TMEM230: variants seen among roughly 807,000 people sequenced by gnomAD.
The protein encoded by TMEM230 is transmembrane protein 230.
In TMEM230, 10 loss-of-function variants were observed where a neutral mutation model predicts 15.8. The ratio of observed to expected loss-of-function variants is 0.63; its 90% CI spans 0.39 to 1.07. The LOEUF (loss-of-function observed/expected upper bound fraction) is 1.07, where lower values mean the gene tolerates loss of function less well. Ranked by LOEUF, TMEM230 falls within the 50% of genes least tolerant of loss-of-function variation. TMEM230 has a pLI of 0.01. For missense variants in TMEM230, 165 were observed against 193.3 expected, an observed-to-expected ratio of 0.85 and a Z score of 0.87; for synonymous variants, 67 against 76.9, an observed-to-expected ratio of 0.87 and a Z score of 0.68.
chr20:5,066,838 T>G (rs995647336), downstream of TMEM230, among the ~76,000 whole-genome samples: 2 of 152,048 alleles, frequency 1.3e-5, no homozygotes, highest in Admixed American at 6.6e-5. Context: ...AGGGTGTTCA[T>G]CCCCTCACTC....
chr20:5,101,027 C>G, intron 4 of TMEM230, 96 bp from the exon 4 acceptor site: 2 of 1,387,540 alleles, frequency 1.4e-6, no homozygotes, highest in Non-Finnish European at 1.9e-6. Context: ...GTATTTTATA[C>G]TCTTCAGTAC....
At chr20:5,073,377 A>G (rs1159989792) in intron 3 of TMEM230, among the ~76,000 whole-genome samples, 2 of 152,166 alleles carry the variant, frequency 1.3e-5, no homozygotes, top group Non-Finnish European at 2.9e-5. Context: ...GAGGTTCTGC[A>G]TTTTTCCTGC....
At chr20:5,080,630 A>C (rs2089151727) in intron 3 of TMEM230, among the ~76,000 whole-genome samples, 1 of 151,618 alleles carries the variant, frequency 6.6e-6, no homozygotes, top group Non-Finnish European at 1.5e-5. Context: ...GCAGTGGCGC[A>C]ATCTCGGCTC....
intron 3 of TMEM230, among the ~76,000 whole-genome samples, chr20:5,087,696 CTTTTTTTTT>C (rs561757286): frequency 3.0e-5 from 3 of 99,536 alleles, no homozygotes; most frequent in South Asian, 4.8e-4. Context: ...GAAAGTATGG[CTTTTTTTTT>C]TTTTTTTTTT....
chr20:5,062,178 C>G, the TMEM230 span, among the ~76,000 whole-genome samples: 1 of 151,060 alleles, frequency 6.6e-6, no homozygotes, highest in South Asian at 2.1e-4. Context: ...GCCGAGATCG[C>G]ACCATTGCAC....
At chr20:5,074,330 A>G (rs1427929228) in intron 3 of TMEM230, among the ~76,000 whole-genome samples, 1 of 152,082 alleles carries the variant, frequency 6.6e-6, no homozygotes, top group East Asian at 1.9e-4. Flanking sequence ...CACCATTATC[A>G]CTGGAGATGG....
downstream of TMEM230, among the ~76,000 whole-genome samples, chr20:5,099,011 A>G (rs1305189417): frequency 6.6e-6 from 1 of 151,912 alleles, no homozygotes; most frequent in Non-Finnish European, 1.5e-5. Flanking sequence ...TTTTTTGACC[A>G]GCAGCATCAA....
rs2089340744 is a variant in TMEM230, at chr20:5,086,529, ACT to A, written c.223-17182_223-17181del. 2.4e-5 allele frequency among the ~76,000 whole-genome samples: 3 copies of A among 127,228 alleles called. No individual in the cohort carries two copies. The South Asian group carries it at 9.2e-4, about 39-fold the overall frequency. 83.5% of individuals were successfully genotyped at this position (127,228 alleles called of 152,430 possible). On this transcript the variant is annotated intron_variant, in intron 3 of 3. Transcript: ENST00000612323. ...ACTCCAGCCTGGGCAACAGAGCCAG[ACT>A]CTGTCTCAAAAAAAAAAAAAAAAAA...
intron 3 of TMEM230, among the ~76,000 whole-genome samples, chr20:5,084,956 T>C (rs1384101301): frequency 2.6e-5 from 4 of 152,268 alleles, no homozygotes; most frequent in Admixed American, 1.3e-4. Context: ...TCCAATTTTC[T>C]ATTTCTTCCT....
intron 3 of TMEM230, among the ~76,000 whole-genome samples, chr20:5,081,864 C>CTTTTTTTTTTTTT (rs770805896): frequency 2.9e-5 from 4 of 140,334 alleles, no homozygotes; most frequent in African/African-American, 8.9e-5. Flanking sequence ...CACTGATTTT[C>CTTTTTTTTTTTTT]TTTTTTTTCT....
chr20:5,097,219 T>C (rs1270367923), downstream of TMEM230, among the ~76,000 whole-genome samples: 3 of 152,224 alleles, frequency 2.0e-5, no homozygotes, highest in Admixed American at 6.5e-5. Flanking sequence ...TATATTTTCC[T>C]GTTGTACCTC....
intron 3 of TMEM230, among the ~76,000 whole-genome samples, chr20:5,107,806 C>G (rs1306227138): frequency 7.2e-6 from 1 of 138,480 alleles, no homozygotes; most frequent in Non-Finnish European, 1.6e-5. Context: ...AGAGCAAGAC[C>G]CTGTCTCAAA....
chr20:5,087,748 CCATATCACAA>C (rs996894211), intron 3 of TMEM230, among the ~76,000 whole-genome samples: 3 of 130,892 alleles, frequency 2.3e-5, no homozygotes, highest in Non-Finnish European at 4.7e-5. Context: ...AATAGGAAAT[CCATATCACAA>C]CTCCTGACAC....
downstream of TMEM230, among the ~76,000 whole-genome samples, chr20:5,098,697 G>A (rs2089738420): frequency 6.6e-6 from 1 of 151,984 alleles, no homozygotes; most frequent in South Asian, 2.1e-4. Context: ...TTTCTGCTCT[G>A]ATCCTATGAC....
chr20:5,075,863 G>T (rs2088976320), intron 3 of TMEM230, among the ~76,000 whole-genome samples: 1 of 152,036 alleles, frequency 6.6e-6, no homozygotes, highest in Non-Finnish European at 1.5e-5. Flanking sequence ...GCTTACACTT[G>T]GAGGCCGAGG....
At chr20:5,069,165 A>G (rs1259759317) in exon 4 of TMEM230, 20 of 1,509,328 alleles carry the variant, frequency 1.3e-5, no homozygotes, top group Non-Finnish European at 1.2e-5. Flanking sequence ...TAAGATGCTT[A>G]TCTCAAATTA....
chr20:5,109,204 C>A, intron 3 of TMEM230, 128 bp downstream of exon 2: 1 of 681,130 alleles, frequency 1.5e-6, no homozygotes, highest in Non-Finnish European at 2.4e-6. Context: ...GGTCTCAGAG[C>A]TGAGTTTTCT....
chr20:5,076,787 C>T (rs151285623), intron 3 of TMEM230, among the ~76,000 whole-genome samples: 7,252 of 147,970 alleles, frequency 0.049, 546 homozygotes, highest in African/African-American at 0.17. Flanking sequence ...AAGCGATTCT[C>T]CTGCCTCAGC....
At chr20:5,087,962 G>T (rs1871690656) in intron 3 of TMEM230, among the ~76,000 whole-genome samples, 1 of 145,372 alleles carries the variant, frequency 6.9e-6, no homozygotes, top group Non-Finnish European at 1.5e-5. Flanking sequence ...CAAAGTGCTG[G>T]GATTACGGGC....
Sources: gnomAD v4.1 joint callset for allele counts (sites outside exome capture counted in the v4.1 genomes callset) on GRCh38, gnomAD v4.1.1 for gene constraint, MANE v1.5 for transcripts, NCBI Gene and HGNC (gene_info 2026-07-23, HGNC 2026-07-21) for gene names.